FMNL3: variants seen among roughly 807,000 people sequenced by gnomAD.
FMNL3 encodes formin-like protein 3.
FMNL3 carries 57 observed loss-of-function variants against 119.6 expected under a neutral mutation model. The observed-to-expected ratio is 0.48, with a 90% CI of 0.39 to 0.59. FMNL3 has a LOEUF of 0.59. Ranked by LOEUF, FMNL3 falls within the 20% of genes least tolerant of loss-of-function variation. The pLI is 0.00. For missense variants in FMNL3, 1,053 were observed against 1,323.5 expected (o/e 0.80, Z 3.17); for synonymous variants, 491 against 507.3 (o/e 0.97, Z 0.43).
chr12:49,652,152 CCTT>C lies in FMNL3; in HGVS notation c.1381_1383del (p.Lys461del), dbSNP rs1450058842. 1 of 1,613,388 alleles carries C rather than the reference CCTT, an allele frequency of 6.2e-7. No individual in the cohort carries two copies. Among genetic ancestry groups the C allele is most frequent in the Admixed American group, 1.7e-5 (1 of 59,950 alleles). On this transcript the variant is annotated inframe_deletion, in exon 14 of 26. Coordinates refer to ENST00000335154, the MANE Select transcript of FMNL3 (RefSeq NM_175736.5). ...TGACATCGACGCTGAAAGGCCTCCTCCTTCTCTTTAATGAGCCTCCGCAGGGTG... is the reference window on the plus strand; with the variant it reads ...TGACATCGACGCTGAAAGGCCTCCTCCTCTTTAATGAGCCTCCGCAGGGTG...
chr12:49,689,109 T>C (rs1482938283), intron 1 of FMNL3, among the ~76,000 whole-genome samples: 1 of 151,252 alleles, frequency 6.6e-6, no homozygotes, highest in Non-Finnish European at 1.5e-5. Context: ...GAAAGAAAGA[T>C]CCTAACTCAA....
intron 1 of FMNL3, among the ~76,000 whole-genome samples, chr12:49,692,665 C>CA (rs1487799135): frequency 1.3e-5 from 2 of 152,068 alleles, no homozygotes; most frequent in Non-Finnish European, 2.9e-5. Flanking sequence ...TCCCATTTGC[C>CA]ACAGCCATTT....
Position 49,645,903 on chromosome 12 carries a change from C to T in FMNL3, c.2996G>A (p.Gly999Asp). 1 of 1,611,532 alleles carries T rather than the reference C, an allele frequency of 6.2e-7. No homozygotes were observed. The highest frequency in any genetic ancestry group is 1.3e-5 in the African/African-American group (1 of 74,838). Residue 999 changes from glycine (G) to aspartate (D), a missense_variant and splice_region_variant, in exon 26 of 26, where the codon GGC (glycine) becomes GAC (aspartate). Physicochemically the swap from Gly to Asp is moderately conservative, Grantham distance 94. Around this residue, in one of 4 missense-constraint regions of FMNL3, gnomAD observed 324 missense variants for 380.9 expected, o/e 0.85. Coordinates refer to ENST00000335154, the MANE Select transcript of FMNL3 (RefSeq NM_175736.5). ...AACAACCATAGGCTGGCAGTGGAGG[C>T]CTGTGGGGGAAGAGAGAGACCTGTG... ...KDGTIEDIIT[G>D]LHCQPMVVRH...
In FMNL3 at chr12:49,707,243, G is replaced by A; in HGVS notation, c.-63C>T. The A allele has an allele frequency of 7.2e-7, 1 of 1,394,598 alleles. No homozygotes were observed. The highest frequency in any genetic ancestry group is 9.3e-7 in the Non-Finnish European group (1 of 1,070,188). The allele number at this position is 1,394,598 out of a possible 1,614,324, so 86.4% of individuals were successfully genotyped here. On this transcript the variant is annotated 5_prime_UTR_variant, in exon 1 of 26. Transcript: ENST00000335154. The stretch of plus-strand genomic sequence containing the variant: ...TCCACGCTCCGGAGCTTTCGGCTCC[G>A]CGGCTCCGACCAGGCTCCTCCCTCA...
Position 49,643,777 on chromosome 12 carries a change from G to T in FMNL3, c.*2038C>A, listed in dbSNP as rs755741125. The T allele has an allele frequency of 6.2e-7, 1 of 1,613,702 alleles. No homozygotes were observed. Among genetic ancestry groups the T allele is most frequent in the Non-Finnish European group, 8.5e-7 (1 of 1,179,916 alleles). On this transcript the variant is annotated 3_prime_UTR_variant, in exon 26 of 26. Transcript: ENST00000335154. Reference sequence around the variant, plus strand: ...GGTGAGTGAAGGAACTTCTACCTAAGCCCCTGCTATTTTGTGAGTTCTGTT... The same window carrying T: ...GGTGAGTGAAGGAACTTCTACCTAATCCCCTGCTATTTTGTGAGTTCTGTT...
In FMNL3 at chr12:49,647,912, A is replaced by G; in HGVS notation, c.2677-108T>C. 7.5e-6 allele frequency: 7 copies of G among 932,058 alleles called. 1 individual carries two copies. In the South Asian group the frequency reaches 1.1e-4, roughly 15 times the overall value. 57.7% of individuals were successfully genotyped at this position (932,058 alleles called of 1,614,324 possible). A position where few individuals can be genotyped will look rare whatever the true frequency, so the allele number is the denominator to read the frequency against. On this transcript the variant is annotated intron_variant, in intron 22 of 25. Coordinates refer to ENST00000335154, the MANE Select transcript of FMNL3 (RefSeq NM_175736.5). The surrounding 1 kb of genome is among the most constrained non-coding windows in gnomAD (Gnocchi z 4.9). Reference sequence around the variant, plus strand: ...AGCAGAGCCCAGGGCCAAAGGGAGGAAAACCAAGCACCCAGGCCCCTGTGA... The same window carrying G: ...AGCAGAGCCCAGGGCCAAAGGGAGGGAAACCAAGCACCCAGGCCCCTGTGA...
rs1184016340 is a variant in FMNL3 at position 49,657,160 on chromosome 12, C to T, written c.636G>A (p.Leu212=). The T allele has an allele frequency of 5.6e-6, 9 of 1,614,080 alleles. No individual in the cohort carries two copies. The highest frequency in any genetic ancestry group is 3.3e-5 in the Admixed American group (2 of 60,008). ...TCTGGCTCACTAGGCGGGAGTTCTTCAGGGCCCTGCGCCCAGGGAGAGTGC... is the reference window on the plus strand; with the variant it reads ...TCTGGCTCACTAGGCGGGAGTTCTTTAGGGCCCTGCGCCCAGGGAGAGTGC... ...RYSTLPGRRA[L]KNSRLVSQKD... is the part of the protein sequence containing the mutation. Residue 212 remains leucine (L), a synonymous_variant, in exon 7 of 26, where the codon CTG becomes CTA. Transcript: ENST00000335154.
chr12:49,699,063 G>A (rs1944831822), intron 1 of FMNL3, among the ~76,000 whole-genome samples: 1 of 152,168 alleles, frequency 6.6e-6, no homozygotes. Context: ...TGAACCCCTA[G>A]CCTTTCCCTG....
chr12:49,698,417 C>G (rs1944811040), intron 1 of FMNL3, among the ~76,000 whole-genome samples: 1 of 151,944 alleles, frequency 6.6e-6, no homozygotes, highest in African/African-American at 2.4e-5. Flanking sequence ...CCTCGTGGTT[C>G]TGGACATTAT....
At chr12:49,677,390 C>T (rs773898211) in intron 1 of FMNL3, among the ~76,000 whole-genome samples, 1 of 152,218 alleles carries the variant, frequency 6.6e-6, no homozygotes, top group Non-Finnish European at 1.5e-5. Context: ...CCTAGCTCCA[C>T]CACTTACTAG....
intron 8 of FMNL3, 71 bp from the exon 9 acceptor site, chr12:49,656,568 C>G: frequency 7.2e-7 from 1 of 1,386,170 alleles, no homozygotes; most frequent in Non-Finnish European, 1.0e-6. Flanking sequence ...ATTTCCCTGA[C>G]TGGGTAAGTC....
intron 4 of FMNL3, among the ~76,000 whole-genome samples, chr12:49,665,417 C>T (rs1161269260): frequency 1.3e-5 from 2 of 152,176 alleles, no homozygotes; most frequent in Non-Finnish European, 1.5e-5. Flanking sequence ...CTTCCAGGCA[C>T]CAAAAAGTCC....
At chr12:49,676,520 GT>G (rs58117011) in intron 1 of FMNL3, among the ~76,000 whole-genome samples, 8,269 of 102,854 alleles carry the variant, frequency 0.08, 260 homozygotes, top group African/African-American at 0.15. Context: ...TTCATAGTGG[GT>G]TTTTTTTTTT....
intron 1 of FMNL3, among the ~76,000 whole-genome samples, chr12:49,698,609 C>T (rs190197409): frequency 7.6e-4 from 115 of 151,196 alleles, no homozygotes; most frequent in East Asian, 2.3e-3. Context: ...TGATGGAAGA[C>T]AGAAAGCGTA....
chr12:49,672,094 G>A (rs1244082591), intron 1 of FMNL3, among the ~76,000 whole-genome samples: 2 of 152,150 alleles, frequency 1.3e-5, no homozygotes, highest in Non-Finnish European at 1.5e-5. Flanking sequence ...GCTTCCTCCC[G>A]AAAATCTTGT....
rs1343386661 is a variant in FMNL3 at position 49,637,288 on chromosome 12, TTC to T, written c.*8525_*8526del. 11 of 599,424 alleles carry T rather than the reference TTC, an allele frequency of 1.8e-5. 1 individual carries two copies. Among genetic ancestry groups the T allele is most frequent in the South Asian group, 6.0e-5 (3 of 50,042 alleles). The allele number at this position is 599,424 out of a possible 1,614,324, so 37.1% of individuals were successfully genotyped here. A position where few individuals can be genotyped will look rare whatever the true frequency, so the allele number is the denominator to read the frequency against. ...TTCTGTCCCTCTCTGTGTATTTACTTTCTCTCTTTTTGCATTGTTCTCAGCCT... is the reference window on the plus strand; with the variant it reads ...TTCTGTCCCTCTCTGTGTATTTACTTTCTCTTTTTGCATTGTTCTCAGCCT... On this transcript the variant is annotated 3_prime_UTR_variant, in exon 26 of 26. Coordinates refer to ENST00000335154, the MANE Select transcript of FMNL3 (RefSeq NM_175736.5).
chr12:49,700,809 G>A (rs1944889613), intron 1 of FMNL3, among the ~76,000 whole-genome samples: 2 of 151,444 alleles, frequency 1.3e-5, no homozygotes, highest in African/African-American at 4.9e-5. Flanking sequence ...GCCGGGCGCA[G>A]TGGCTCACAC....
chr12:49,685,417 G>A (rs1028431225), intron 1 of FMNL3, among the ~76,000 whole-genome samples: 2 of 151,922 alleles, frequency 1.3e-5, no homozygotes, highest in Admixed American at 6.6e-5. Context: ...AGCCAAGATG[G>A]TGCCACCGGA....
chr12:49,702,398 T>G (rs1282162636), intron 1 of FMNL3, among the ~76,000 whole-genome samples: 2 of 152,224 alleles, frequency 1.3e-5, no homozygotes, highest in Non-Finnish European at 2.9e-5. Flanking sequence ...TCAGCTGCAT[T>G]TGGTAAAGGA....
Sources: allele counts gnomAD v4.1 joint callset (sites outside exome capture counted in the v4.1 genomes callset), GRCh38; gene constraint gnomAD v4.1.1; regional missense constraint gnomAD v4.1.1; non-coding constraint Gnocchi (gnomAD v3.1); transcripts MANE v1.5; gene names NCBI Gene and HGNC (gene_info 2026-07-23, HGNC 2026-07-21).